SLC9A9: variants seen among roughly 807,000 people sequenced by gnomAD.
The protein encoded by SLC9A9 is solute carrier family 9 member A9, also known as sodium/hydrogen exchanger 9.
In SLC9A9, 62 loss-of-function variants were observed where a neutral mutation model predicts 77.8. That is an observed-to-expected ratio of 0.80 (90% CI 0.65 to 0.98). SLC9A9 has a LOEUF of 0.98. Among genes scored for constraint, SLC9A9 ranks in the 50% least tolerant of loss-of-function variants. SLC9A9 has a pLI of 0.00. For missense variants in SLC9A9, 775 were observed against 774.9 expected, an observed-to-expected ratio of 1.00 and a Z score of 0.00; for synonymous variants, 320 against 283.5, an observed-to-expected ratio of 1.13 and a Z score of -1.29.
At chr3:143,305,112 CAA>C (rs2030721448) in intron 14 of SLC9A9, among the ~76,000 whole-genome samples, 1 of 152,190 alleles carries the variant, frequency 6.6e-6, no homozygotes, top group African/African-American at 2.4e-5. Context: ...ACTTCTATAT[CAA>C]TATCTGTTTG....
At chr3:143,677,244 G>A (rs530505705) in intron 5 of SLC9A9, among the ~76,000 whole-genome samples, 4 of 151,936 alleles carry the variant, frequency 2.6e-5, no homozygotes, top group African/African-American at 7.3e-5. Context: ...ACACAGATAT[G>A]CATGGGGGTT....
chr3:143,364,434 C>T (rs769409985), intron 13 of SLC9A9, among the ~76,000 whole-genome samples: 8 of 152,078 alleles, frequency 5.3e-5, no homozygotes, highest in Non-Finnish European at 1.0e-4. Flanking sequence ...AGTTTTCATG[C>T]CCAAGTTGTG....
intron 4 of SLC9A9, among the ~76,000 whole-genome samples, chr3:143,725,181 A>G (rs1489657306): frequency 1.3e-5 from 2 of 152,100 alleles, no homozygotes; most frequent in Non-Finnish European, 2.9e-5. Flanking sequence ...TAGCCTGGTG[A>G]TTGGCACATA....
intron 12 of SLC9A9, among the ~76,000 whole-genome samples, chr3:143,463,368 A>G (rs980440445): frequency 2.6e-5 from 4 of 152,184 alleles, no homozygotes; most frequent in African/African-American, 9.7e-5. Flanking sequence ...TGGGGTTACC[A>G]TCTTGAAGCT....
chr3:143,778,046 A>AAAAAAAAAAAAAAAAAAAT (rs1174927510), intron 4 of SLC9A9, among the ~76,000 whole-genome samples: 1 of 150,874 alleles, frequency 6.6e-6, no homozygotes, highest in Non-Finnish European at 1.5e-5. Context: ...GCAAAAAAAA[A>AAAAAAAAAAAAAAAAAAAT]AAAAAAGATG....
At chr3:143,462,116 C>T (rs2035204033) in intron 12 of SLC9A9, among the ~76,000 whole-genome samples, 1 of 152,084 alleles carries the variant, frequency 6.6e-6, no homozygotes, top group African/African-American at 2.4e-5. Flanking sequence ...CCTGTAATGC[C>T]AGCACTTCGG....
At position 143,585,017 on chromosome 3, in the gene SLC9A9, G is replaced by A. The variant is rs7635214; in HGVS notation, c.756-6294C>T. On this transcript the variant is annotated intron_variant, in intron 6 of 15. Transcript: ENST00000316549. ...TTTATGGGCGTAACTGCTTGTCAGC[G>A]GTGTGTAGGGTCCCGGCCTGGTCTC... is the stretch of plus-strand genomic sequence containing the variant. Among the ~76,000 whole-genome samples, 503 of 152,272 alleles carry A rather than the reference G, an allele frequency of 3.3e-3. 2 individuals carry two copies. Among genetic ancestry groups the A allele is most frequent in the African/African-American group, 9.9e-3 (411 of 41,534 alleles).
At chr3:143,641,303 G>GGCTA (rs1357453081) in intron 6 of SLC9A9, among the ~76,000 whole-genome samples, 1 of 151,588 alleles carries the variant, frequency 6.6e-6, no homozygotes, top group Admixed American at 6.6e-5. Flanking sequence ...AATTGTTAAG[G>GGCTA]GCTACCTACA....
At chr3:143,572,655 A>G (rs2037285292) in intron 8 of SLC9A9, among the ~76,000 whole-genome samples, 1 of 152,228 alleles carries the variant, frequency 6.6e-6, no homozygotes, top group Non-Finnish European at 1.5e-5. Flanking sequence ...ATTTAGATAC[A>G]AAGGCCTGGT....
At chr3:143,655,742 T>G in intron 5 of SLC9A9, 4 of 703,178 alleles carry the variant, frequency 5.7e-6, no homozygotes, top group Non-Finnish European at 7.0e-6. Context: ...GTAAGCATAA[T>G]AGAGGAATGT....
At position 143,441,462 on chromosome 3, in the gene SLC9A9, T is replaced by A. The variant is rs939956002; in HGVS notation, c.1469+25575A>T. On this transcript the variant is annotated intron_variant, in intron 12 of 15. Transcript: ENST00000316549. ...CAGATACCTTAGCAGGTAATTATAG[T>A]CACTTTCTTACTAGACATTGGTCTC... Among the ~76,000 whole-genome samples the A allele has an allele frequency of 2.6e-5, 4 of 152,202 alleles. No individual in the cohort carries two copies. The South Asian group carries it at 8.3e-4, about 32-fold the overall frequency.
chr3:143,521,893 T>C (rs2036305955), intron 9 of SLC9A9, among the ~76,000 whole-genome samples: 1 of 152,154 alleles, frequency 6.6e-6, no homozygotes, highest in Non-Finnish European at 1.5e-5. Flanking sequence ...TTCTGTTGTT[T>C]GCCACTCTGC....
At chr3:143,514,339 A>G (rs2036168892) in intron 9 of SLC9A9, among the ~76,000 whole-genome samples, 1 of 152,134 alleles carries the variant, frequency 6.6e-6, no homozygotes, top group Admixed American at 6.5e-5. Context: ...TAGATTTAGC[A>G]TAATTCTTAA....
At chr3:143,589,422 A>G (rs999416139) in intron 6 of SLC9A9, among the ~76,000 whole-genome samples, 1 of 152,234 alleles carries the variant, frequency 6.6e-6, no homozygotes, top group Non-Finnish European at 1.5e-5. Context: ...GTGGTCCGGT[A>G]AGATTACAAT....
At position 143,574,175 on chromosome 3, in the gene SLC9A9, G is replaced by T; in HGVS notation, c.913C>A (p.Leu305Met). Residue 305 changes from leucine (L) to methionine (M), a missense_variant, in exon 8 of 16, where the codon CTG becomes ATG. Coordinates refer to ENST00000316549, the MANE Select transcript of SLC9A9 (RefSeq NM_173653.4). ...ITALLTKFTK[L>M]CEFPMLETGL... ...GTTTCCAGCATCGGGAACTCACACA[G>T]CTTGGTAAATTTGGTCAAGTGAGGA... 6.2e-7 allele frequency: 1 copy of T among 1,613,238 alleles called. No homozygotes were observed. The highest frequency in any genetic ancestry group is 8.5e-7 in the Non-Finnish European group (1 of 1,179,440).
intron 4 of SLC9A9, among the ~76,000 whole-genome samples, chr3:143,740,783 A>G (rs1935056196): frequency 6.6e-6 from 1 of 152,210 alleles, no homozygotes; most frequent in Admixed American, 6.5e-5. Context: ...CTGTAAGACT[A>G]AAGCCAAAGG....
chr3:143,841,069 G>T (rs2009695025), intron 1 of SLC9A9, among the ~76,000 whole-genome samples: 1 of 152,172 alleles, frequency 6.6e-6, no homozygotes, highest in South Asian at 2.1e-4. Context: ...AAGCGATAGA[G>T]GTGAAAGAAC....
At chr3:143,296,450 T>G (rs2030272969) in intron 14 of SLC9A9, among the ~76,000 whole-genome samples, 2 of 152,246 alleles carry the variant, frequency 1.3e-5, no homozygotes, top group Admixed American at 6.5e-5. Flanking sequence ...CTCATTTTCT[T>G]TATCCATTGA....
rs527378390 is a variant in SLC9A9 at position 143,413,892 on chromosome 3, T to C, written c.1470-31778A>G. Among the ~76,000 whole-genome samples the C allele has an allele frequency of 1.2e-4, 18 of 152,288 alleles. No homozygotes were observed. The Middle Eastern group carries it at 0.01, about 86-fold the overall frequency. ...CTAAGCAGTCTTACGTGGGTGAAAA[T>C]ATACTGGCTTTTTCTGGTGAGGGGC... On this transcript the variant is annotated intron_variant, in intron 12 of 15. Coordinates refer to ENST00000316549, the MANE Select transcript of SLC9A9 (RefSeq NM_173653.4).
Sources: allele counts gnomAD v4.1 joint callset (sites outside exome capture counted in the v4.1 genomes callset), GRCh38; gene constraint gnomAD v4.1.1; transcripts MANE v1.5; gene names NCBI Gene and HGNC (gene_info 2026-07-23, HGNC 2026-07-21).